EDEM2: variants seen among roughly 807,000 people sequenced by gnomAD.
EDEM2 encodes ER degradation-enhancing alpha-mannosidase-like protein 2.
A neutral mutation model predicts 64.8 loss-of-function variants in EDEM2; 39 were observed. That is an observed-to-expected ratio of 0.60 (90% CI 0.47 to 0.79). The LOEUF is 0.79. Among genes scored for constraint, EDEM2 ranks in the 30% least tolerant of loss-of-function variants. The probability of loss-of-function intolerance (pLI) is 0.00; values close to 1 mark genes in which losing one functional copy is unlikely to be tolerated. For synonymous variants in EDEM2, 296 were observed against 291.5 expected, an observed-to-expected ratio of 1.02 and a Z score of -0.16; for missense variants, 609 against 731.3, an observed-to-expected ratio of 0.83 and a Z score of 1.93.
intron 10 of EDEM2, among the ~76,000 whole-genome samples, chr20:35,116,631 C>A (rs924131144): frequency 1.3e-5 from 2 of 152,192 alleles, no homozygotes; most frequent in Non-Finnish European, 2.9e-5. Context: ...GCTAACCTTG[C>A]TCTATGACAT....
intron 7 of EDEM2, among the ~76,000 whole-genome samples, chr20:35,126,990 A>G (rs866912987): frequency 6.6e-6 from 1 of 152,140 alleles, no homozygotes; most frequent in African/African-American, 2.4e-5. Context: ...TGTAGCTCCC[A>G]TATTTCTCAC....
Position 35,144,975 on chromosome 20 carries a change from T to G in EDEM2, c.258+4A>C. The G allele has an allele frequency of 6.2e-7, 1 of 1,613,984 alleles. No individual in the cohort carries two copies. The highest frequency in any genetic ancestry group is 8.5e-7 in the Non-Finnish European group (1 of 1,179,916). On this transcript the variant is annotated splice_donor_region_variant and intron_variant, in intron 3 of 10. Coordinates refer to ENST00000374492, the MANE Select transcript of EDEM2 (RefSeq NM_018217.3). ...AAAGGAAAAGAAACAGACGAGATAC[T>G]TACCAGCAAGGTGTCCAGTGCATCA...
chr20:35,142,026 C>T (rs1029917787), intron 4 of EDEM2, among the ~76,000 whole-genome samples: 4 of 152,182 alleles, frequency 2.6e-5, no homozygotes, highest in African/African-American at 7.2e-5. Context: ...TCCATCACTG[C>T]AGAAAATTGG....
At chr20:35,120,460 T>C (rs2085354857) in intron 9 of EDEM2, among the ~76,000 whole-genome samples, 2 of 152,134 alleles carry the variant, frequency 1.3e-5, no homozygotes, top group Admixed American at 1.3e-4. Context: ...CAATTGCTAA[T>C]CTAATTGCTC....
chr20:35,135,288 T>C (rs1009511409), intron 5 of EDEM2, among the ~76,000 whole-genome samples: 8 of 152,220 alleles, frequency 5.3e-5, no homozygotes, highest in East Asian at 1.9e-4. Context: ...AGGTAACTTA[T>C]TGTGATGCAG....
chr20:35,145,865 G>A (rs780815632), intron 2 of EDEM2, among the ~76,000 whole-genome samples: 15 of 152,082 alleles, frequency 9.9e-5, no homozygotes, highest in Admixed American at 3.3e-4. Context: ...AGCCGGGTGT[G>A]GTGGTGGGCT....
intron 6 of EDEM2, 55 bp downstream of exon 6, chr20:35,134,683 G>A: frequency 1.9e-6 from 3 of 1,594,650 alleles, no homozygotes; most frequent in East Asian, 2.3e-5. Flanking sequence ...TTATTGCTCA[G>A]AGCCCTGGGC....
At chr20:35,127,295 A>G (rs2085447279) in intron 7 of EDEM2, among the ~76,000 whole-genome samples, 2 of 152,256 alleles carry the variant, frequency 1.3e-5, no homozygotes, top group Admixed American at 1.3e-4. Context: ...GGTCTAATAC[A>G]GTAATGTTAG....
chr20:35,139,799 G>A (rs371253489), intron 4 of EDEM2, among the ~76,000 whole-genome samples: 10 of 152,074 alleles, frequency 6.6e-5, no homozygotes, highest in African/African-American at 1.7e-4. Context: ...TGATGGGCAC[G>A]TCTGGTTCAT....
At position 35,115,651 on chromosome 20, in the gene EDEM2, A is replaced by T. The variant is rs778117289; in HGVS notation, c.1519T>A (p.Ser507Thr). 6.2e-6 allele frequency: 10 copies of T among 1,614,006 alleles called. No homozygotes were observed. In the East Asian group the frequency reaches 2.2e-4, roughly 36 times the overall value. Reference sequence around the variant, plus strand: ...AATTTCGACCTGCTCCGTTTGAGAGAGTAGAATTCCCTCATCAAGTCCTCC... The same window carrying T: ...AATTTCGACCTGCTCCGTTTGAGAGTGTAGAATTCCCTCATCAAGTCCTCC... ...EVEDLMREFY[S>T]LKRSRSKFQK... The change falls in exon 11 of 11, where the codon TCT becomes ACT. Residue 507 changes from serine to threonine, a missense_variant. Ser to Thr is a moderately conservative substitution (Grantham distance 58). Coordinates refer to ENST00000374492, the MANE Select transcript of EDEM2 (RefSeq NM_018217.3).
At chr20:35,116,655 C>A (rs1247802954) in intron 10 of EDEM2, among the ~76,000 whole-genome samples, 1 of 152,214 alleles carries the variant, frequency 6.6e-6, no homozygotes, top group Non-Finnish European at 1.5e-5. Flanking sequence ...AATCTCCTAT[C>A]CCCTTTATCC....
chr20:35,137,032 T>C (rs143952284), intron 5 of EDEM2, among the ~76,000 whole-genome samples: 3 of 152,274 alleles, frequency 2.0e-5, no homozygotes, highest in Non-Finnish European at 2.9e-5. Context: ...TCTAAGCAGT[T>C]TCTCCTTCCT....
In EDEM2 at chr20:35,126,237, T is replaced by C. The variant is rs755354636; in HGVS notation, c.969+14A>G. 1 of 1,610,022 alleles carries C rather than the reference T, an allele frequency of 6.2e-7. No homozygotes were observed. The highest frequency in any genetic ancestry group is 1.1e-5 in the South Asian group (1 of 90,526). The stretch of plus-strand genomic sequence containing the variant: ...ACTCATAGAAAGATGATCACATTCT[T>C]TGATCATTCCTACCTGAAGACCAGG... On this transcript the variant is annotated intron_variant, in intron 8 of 10. Coordinates refer to ENST00000374492, the MANE Select transcript of EDEM2 (RefSeq NM_018217.3).
chr20:35,128,675 C>T (rs578029686), intron 7 of EDEM2, among the ~76,000 whole-genome samples: 8 of 150,428 alleles, frequency 5.3e-5, no homozygotes, highest in African/African-American at 2.0e-4. Flanking sequence ...TTACTGCCCC[C>T]AAAGACCTTC....
chr20:35,145,016 A>AAACTGCAAAAGGAC lies in EDEM2; in HGVS notation c.219-12_220dup (p.Phe74CysfsTer8), dbSNP rs1439538602. ...CAGTGCATCAATTAGAGTCAGAGAA[A>AAACTGCAAAAGGAC]AACTGCAAAAGGACAGAAATCCCAG... On this transcript the variant is annotated frameshift_variant and splice_region_variant, in exon 3 of 11. Transcript: ENST00000374492. LOFTEE classifies it high-confidence loss of function. The AAACTGCAAAAGGAC allele has an allele frequency of 6.2e-7, 1 of 1,614,094 alleles. No homozygotes were observed. The highest frequency in any genetic ancestry group is 8.5e-7 in the Non-Finnish European group (1 of 1,179,976).
chr20:35,126,638 C>T (rs182370251), intron 7 of EDEM2, among the ~76,000 whole-genome samples: 222 of 152,220 alleles, frequency 1.5e-3, no homozygotes, highest in African/African-American at 5.3e-3. Context: ...GGAGGCCAGG[C>T]GTGGTGGCTC....
rs2295887 is a variant in EDEM2 at position 35,126,384 on chromosome 20, G to A, written c.845-9C>T. ...GATGGCTTTGTTATACTCTGCAGTG[G>A]GGGAGATGGGATAATGGACATATGA... On this transcript the variant is annotated splice_polypyrimidine_tract_variant and intron_variant, in intron 7 of 10. Transcript: ENST00000374492. 950,947 of 1,612,810 alleles carry A rather than the reference G, an allele frequency of 0.59. 287,797 individuals carry two copies. Among genetic ancestry groups the A allele is most frequent in the Admixed American group, 0.77 (46,069 of 59,870 alleles).
At chr20:35,146,787 C>G in intron 2 of EDEM2, 38 bp downstream of exon 2, 1 of 1,603,900 alleles carries the variant, frequency 6.2e-7, no homozygotes, top group East Asian at 2.3e-5. Context: ...CCCAGAGAGT[C>G]AGACCCTGGC....
intron 2 of EDEM2, 129 bp downstream of exon 2, chr20:35,146,696 G>T: frequency 2.1e-6 from 2 of 974,768 alleles, no homozygotes; most frequent in Non-Finnish European, 1.5e-6. Context: ...CGGGGAGCGC[G>T]GCTCTAGCTC....
Sources: allele counts gnomAD v4.1 joint callset (sites outside exome capture counted in the v4.1 genomes callset), GRCh38; gene constraint gnomAD v4.1.1; transcripts MANE v1.5; gene names NCBI Gene and HGNC (gene_info 2026-07-23, HGNC 2026-07-21).